Variants in OR8H2 observed in about 807,000 individuals in gnomAD.
The protein encoded by OR8H2 is olfactory receptor family 8 subfamily H member 2.
For missense variants in OR8H2, 374 were observed against 371.1 expected (o/e 1.01, Z -0.06); for synonymous variants, 157 against 139.2 (o/e 1.13, Z -0.90).
chr11:56,105,461 T>C lies in OR8H2; in HGVS notation c.419T>C (p.Leu140Pro), dbSNP rs773885524. The change falls in exon 2 of 2, where the codon CTC (leucine) becomes CCC (proline). Residue 140 changes from leucine to proline, a missense_variant. Transcript: ENST00000313503. ...LHYTVIMSKR[L>P]CLALITGPYV... ...TACACAGTTATTATGTCCAAAAGGC[T>C]CTGCCTCGCTCTCATCACTGGGCCT... 3 of 1,614,054 alleles carry C rather than the reference T, an allele frequency of 1.9e-6. No homozygotes were observed. In the Admixed American group the frequency reaches 5.0e-5, roughly 27 times the overall value.
Position 56,105,070 on chromosome 11 carries a change from GT to G in OR8H2, c.29del (p.Val10GlyfsTer9), listed in dbSNP as rs1854031809. MMGRRNNTN[V>X]ADFILMGLTL... is the part of the protein sequence containing the mutation. ...GATGGGTAGAAGGAATAACACAAAT[GT>G]GGCTGACTTCATCCTTATGGGACTG... On this transcript the variant is annotated frameshift_variant, in exon 2 of 2. Coordinates refer to ENST00000313503, the MANE Select transcript of OR8H2 (RefSeq NM_001386064.1). LOFTEE classifies it low-confidence loss of function (END_TRUNC). The G allele has an allele frequency of 1.2e-6, 2 of 1,613,480 alleles. No homozygotes were observed. Among genetic ancestry groups the G allele is most frequent in the Non-Finnish European group, 1.7e-6 (2 of 1,179,702 alleles).
chr11:56,104,922 C>G lies in OR8H2; in HGVS notation c.-121C>G, dbSNP rs1443081958. 1.1e-6 allele frequency: 1 copy of G among 874,006 alleles called. No individual in the cohort carries two copies. The highest frequency in any genetic ancestry group is 2.4e-5 in the East Asian group (1 of 40,898). 54.1% of individuals were successfully genotyped at this position (874,006 alleles called of 1,614,324 possible). A position where few individuals can be genotyped will look rare whatever the true frequency, so the allele number is the denominator to read the frequency against. On this transcript the variant is annotated 5_prime_UTR_variant, in exon 2 of 2. Transcript: ENST00000313503. The stretch of plus-strand genomic sequence containing the variant: ...AATGCAATGGTGCGATCCCGGCTCA[C>G]TGCAACCTCCGCCTCCCGCGTTCAA...
Position 56,105,703 on chromosome 11 carries a change from A to C in OR8H2, c.661A>C (p.Ile221Leu), listed in dbSNP as rs1248704373. 1.2e-6 allele frequency: 2 copies of C among 1,614,112 alleles called. No homozygotes were observed. The highest frequency in any genetic ancestry group is 2.2e-5 in the East Asian group (1 of 44,880). Reference protein sequence around the residue: ...LFTISASYVFILFTILKINST... With the variant: ...LFTISASYVFLLFTILKINST... ...CACAATATCTGCATCCTATGTGTTCATTCTCTTTACCATCCTGAAAATTAA... is the reference window on the plus strand; with the variant it reads ...CACAATATCTGCATCCTATGTGTTCCTTCTCTTTACCATCCTGAAAATTAA... Residue 221 changes from isoleucine (I) to leucine (L), a missense_variant, in exon 2 of 2, where the codon ATT becomes CTT. Ile to Leu is a conservative substitution (Grantham distance 5). Coordinates refer to ENST00000313503, the MANE Select transcript of OR8H2 (RefSeq NM_001386064.1).
Position 56,105,322 on chromosome 11 carries a change from T to C in OR8H2, c.280T>C (p.Phe94Leu). Residue 94 changes from phenylalanine (F) to leucine (L), a missense_variant, in exon 2 of 2, where the codon TTT becomes CTT. Transcript: ENST00000313503. ...ANLLTSNYIS[F>L]TGCFAQMFFF... ...CTTACTGACTTCCAACTATATTTCC[T>C]TTACGGGCTGCTTTGCCCAGATGTT... 2 of 1,614,220 alleles carry C rather than the reference T, an allele frequency of 1.2e-6. No individual in the cohort carries two copies. Among genetic ancestry groups the C allele is most frequent in the Non-Finnish European group, 1.7e-6 (2 of 1,180,038 alleles).
chr11:56,104,347 A>AG (rs1218638862), intron 1 of OR8H2, among the ~76,000 whole-genome samples: 1 of 152,100 alleles, frequency 6.6e-6, no homozygotes, highest in African/African-American at 2.4e-5. Flanking sequence ...TGGAAACAAA[A>AG]GGGGAGTAAA....
At position 56,103,964 on chromosome 11, in the gene OR8H2, T is replaced by A. The variant is rs1191469281; in HGVS notation, c.-195T>A. ...ACAGATAATATAAGAAGAAACCTTT[T>A]TAATGAATGTTGACTCACACACAGT... On this transcript the variant is annotated 5_prime_UTR_variant, in exon 1 of 2. Coordinates refer to ENST00000313503, the MANE Select transcript of OR8H2 (RefSeq NM_001386064.1). The A allele has an allele frequency of 6.6e-6, 1 of 152,168 alleles. No homozygotes were observed. Among genetic ancestry groups the A allele is most frequent in the Non-Finnish European group, 1.5e-5 (1 of 68,018 alleles). 9.4% of individuals were successfully genotyped at this position (152,168 alleles called of 1,614,324 possible).
Position 56,105,875 on chromosome 11 carries a change from A to G in OR8H2, c.833A>G (p.Tyr278Cys), listed in dbSNP as rs751390508. 1.9e-6 allele frequency: 3 copies of G among 1,611,708 alleles called. No homozygotes were observed. In the Admixed American group the frequency reaches 5.0e-5, roughly 27 times the overall value. ...LGRDQVASVF[Y>C]TIVIPVLNPL... ...AGAGATCAAGTGGCTTCTGTTTTTT[A>G]TACTATTGTGATTCCCGTGCTGAAT... Residue 278 changes from tyrosine (Y) to cysteine (C), a missense_variant, in exon 2 of 2, where the codon TAT (tyrosine) becomes TGT (cysteine). Transcript: ENST00000313503.
At chr11:56,104,837 G>GTTTTTT in intron 1 of OR8H2, 35 bp from the exon 2 acceptor site, 1 of 378,120 alleles carries the variant, frequency 2.6e-6, no homozygotes, top group South Asian at 6.2e-5. Context: ...TAAACAGAAA[G>GTTTTTT]TTTTTTTTTG....
In OR8H2 at chr11:56,105,898, A is replaced by G; in HGVS notation, c.856A>G (p.Asn286Asp). 3 of 1,611,232 alleles carry G rather than the reference A, an allele frequency of 1.9e-6. No individual in the cohort carries two copies. Among genetic ancestry groups the G allele is most frequent in the Non-Finnish European group, 2.5e-6 (3 of 1,178,002 alleles). The change falls in exon 2 of 2, where the codon AAT becomes GAT. Residue 286 changes from asparagine to aspartate, a missense_variant. Physicochemically the swap from Asn to Asp is conservative, Grantham distance 23. Transcript: ENST00000313503. ...TTATACTATTGTGATTCCCGTGCTG[A>G]ATCCACTCATTTATAGTCTTAGAAA... ...VFYTIVIPVL[N>D]PLIYSLRNKE...
Position 56,106,484 on chromosome 11 carries a change from T to C in OR8H2, c.*503T>C, listed in dbSNP as rs1854057373. ...TTTTAGCTGTATAGCCAGTAATACG[T>C]TACCTAAAGCTTAAGCCTCCCTTCC... On this transcript the variant is annotated 3_prime_UTR_variant, in exon 2 of 2. Coordinates refer to ENST00000313503, the MANE Select transcript of OR8H2 (RefSeq NM_001386064.1). The C allele has an allele frequency of 6.5e-6, 1 of 152,714 alleles. No individual in the cohort carries two copies. Among genetic ancestry groups the C allele is most frequent in the South Asian group, 2.1e-4 (1 of 4,856 alleles). 9.5% of individuals were successfully genotyped at this position (152,714 alleles called of 1,614,324 possible).
In OR8H2 at chr11:56,105,527, C is replaced by G. The variant is rs1449883670; in HGVS notation, c.485C>G (p.Ser162Cys). Reference protein sequence around the residue: ...GFIDSFVNVVSMSRLHFYDSN... With the variant: ...GFIDSFVNVVCMSRLHFYDSN... ...ATAGACTCCTTTGTCAACGTGGTTT[C>G]CATGAGCAGATTGCATTTCTACGAC... The change falls in exon 2 of 2, where the codon TCC (serine) becomes TGC (cysteine). Residue 162 changes from serine to cysteine, a missense_variant. Coordinates refer to ENST00000313503, the MANE Select transcript of OR8H2 (RefSeq NM_001386064.1). 1 of 1,614,178 alleles carries G rather than the reference C, an allele frequency of 6.2e-7. No individual in the cohort carries two copies.
In OR8H2 at chr11:56,103,733, A is replaced by G. The variant is rs1260416523; in HGVS notation, c.-426A>G. ...TCACAGTAGCTGCTGGTCTTCTTTG[A>G]CAAATAACTTCTTGGTAATCTTTCC... On this transcript the variant is annotated 5_prime_UTR_variant, in exon 1 of 2. Transcript: ENST00000313503. The G allele has an allele frequency of 6.6e-6, 1 of 152,178 alleles. No homozygotes were observed. The highest frequency in any genetic ancestry group is 1.5e-5 in the Non-Finnish European group (1 of 68,034). 9.4% of individuals were successfully genotyped at this position (152,178 alleles called of 1,614,324 possible).
chr11:56,105,610 A>C lies in OR8H2; in HGVS notation c.568A>C (p.Thr190Pro). The change falls in exon 2 of 2, where the codon ACT becomes CCT. Residue 190 changes from threonine to proline, a missense_variant. Transcript: ENST00000313503. ...DTSPILALSC[T>P]DTYNTEILIF... is the part of the protein sequence containing the mutation. ...TTCCCCAATTTTAGCTCTGTCCTGC[A>C]CTGATACATACAACACCGAAATCCT... 6.2e-7 allele frequency: 1 copy of C among 1,614,200 alleles called. No homozygotes were observed.
rs753975492 is a variant in OR8H2 at position 56,105,744 on chromosome 11, G to A, written c.702G>A (p.Lys234=). The change falls in exon 2 of 2, where the codon AAG becomes AAA. Residue 234 remains lysine (K), a synonymous_variant. Transcript: ENST00000313503. The stretch of plus-strand genomic sequence containing the variant: ...TGAAAATTAATTCCACTTCAGGAAA[G>A]CAGAAAGCTTTCTCTACTTGCGTCT... ...TILKINSTSG[K]QKAFSTCVSH... is the part of the protein sequence containing the mutation. 6 of 1,613,844 alleles carry A rather than the reference G, an allele frequency of 3.7e-6. No individual in the cohort carries two copies. The highest frequency in any genetic ancestry group is 1.7e-5 in the Admixed American group (1 of 59,994).
At position 56,103,948 on chromosome 11, in the gene OR8H2, A is replaced by G. The variant is rs1029568244; in HGVS notation, c.-211A>G. On this transcript the variant is annotated 5_prime_UTR_variant, in exon 1 of 2. It adds an upstream start codon to the 5' untranslated region. Coordinates refer to ENST00000313503, the MANE Select transcript of OR8H2 (RefSeq NM_001386064.1). ...GTTGACAAATTTCCAGACAGATAAT[A>G]TAAGAAGAAACCTTTTTAATGAATG... The G allele has an allele frequency of 2.0e-5, 3 of 152,206 alleles. No homozygotes were observed. The highest frequency in any genetic ancestry group is 7.2e-5 in the African/African-American group (3 of 41,466). 9.4% of individuals were successfully genotyped at this position (152,206 alleles called of 1,614,324 possible). A position where few individuals can be genotyped will look rare whatever the true frequency, so the allele number is the denominator to read the frequency against.
chr11:56,106,244 G>T lies in OR8H2; in HGVS notation c.*263G>T. 4.0e-6 allele frequency: 1 copy of T among 248,422 alleles called. No homozygotes were observed. Among genetic ancestry groups the T allele is most frequent in the East Asian group, 8.0e-5 (1 of 12,572 alleles). 15.4% of individuals were successfully genotyped at this position (248,422 alleles called of 1,614,324 possible). A position where few individuals can be genotyped will look rare whatever the true frequency, so the allele number is the denominator to read the frequency against. On this transcript the variant is annotated 3_prime_UTR_variant, in exon 2 of 2. Transcript: ENST00000313503. ...TTGAAGCAACTGATGTGGAAAATAA[G>T]AAAATATGGTTGTCATTTTTAATTA...
At position 56,104,909 on chromosome 11, in the gene OR8H2, C is replaced by A; in HGVS notation, c.-134C>A. The A allele has an allele frequency of 1.3e-6, 1 of 751,550 alleles. No individual in the cohort carries two copies. The highest frequency in any genetic ancestry group is 2.2e-6 in the Non-Finnish European group (1 of 453,318). 46.6% of individuals were successfully genotyped at this position (751,550 alleles called of 1,614,324 possible). On this transcript the variant is annotated 5_prime_UTR_variant, in exon 2 of 2. It introduces an in-frame stop codon into an upstream open reading frame of the 5' UTR. Coordinates refer to ENST00000313503, the MANE Select transcript of OR8H2 (RefSeq NM_001386064.1). ...TCGCCAGGGCTGGAATGCAATGGTG[C>A]GATCCCGGCTCACTGCAACCTCCGC...
rs1394632980 is a variant in OR8H2, at chr11:56,107,144, T to C, written c.*1163T>C. 1 of 151,918 alleles carries C rather than the reference T, an allele frequency of 6.6e-6. No homozygotes were observed. The highest frequency in any genetic ancestry group is 1.9e-4 in the East Asian group (1 of 5,202). The allele number at this position is 151,918 out of a possible 1,614,324, so 9.4% of individuals were successfully genotyped here. The stretch of plus-strand genomic sequence containing the variant: ...AAAATCAAGACTCACTTCACAATGT[T>C]TTGGACTTGAAATATAAACTCACCA... On this transcript the variant is annotated 3_prime_UTR_variant, in exon 2 of 2. Transcript: ENST00000313503.
Position 56,104,893 on chromosome 11 carries a change from C to T in OR8H2, c.-150C>T. 1.5e-6 allele frequency: 1 copy of T among 661,770 alleles called. No homozygotes were observed. The allele number at this position is 661,770 out of a possible 1,614,324, so 41.0% of individuals were successfully genotyped here. Reference sequence around the variant, plus strand: ...TCAGAGTCTGGCACAGTCGCCAGGGCTGGAATGCAATGGTGCGATCCCGGC... The same window carrying T: ...TCAGAGTCTGGCACAGTCGCCAGGGTTGGAATGCAATGGTGCGATCCCGGC... On this transcript the variant is annotated 5_prime_UTR_variant, in exon 2 of 2. Coordinates refer to ENST00000313503, the MANE Select transcript of OR8H2 (RefSeq NM_001386064.1).
Sources: allele counts gnomAD v4.1 joint callset (sites outside exome capture counted in the v4.1 genomes callset), GRCh38; gene constraint gnomAD v4.1.1; transcripts MANE v1.5; gene names NCBI Gene and HGNC (gene_info 2026-07-23, HGNC 2026-07-21).